ZNF804B: variants seen among roughly 807,000 people sequenced by gnomAD.
ZNF804B encodes zinc finger protein 804B.
Under a neutral mutation model 101.4 loss-of-function variants are expected in ZNF804B, and 80 were observed. The observed-to-expected ratio is 0.79, with a 90% CI of 0.66 to 0.95. ZNF804B has a LOEUF of 0.95. ZNF804B is among the 40% of genes least tolerant of loss of function. ZNF804B has a pLI of 0.00. For missense variants in ZNF804B, 1,673 were observed against 1,561.9 expected (o/e 1.07, Z -1.20); for synonymous variants, 622 against 558.8 (o/e 1.11, Z -1.59).
In ZNF804B at chr7:89,212,290, A is replaced by ACACACACACACAC. The variant is rs1491050529; in HGVS notation, c.109-5865_109-5864insCACACACACACAC. On this transcript the variant is annotated intron_variant, in intron 1 of 3. Coordinates refer to ENST00000333190, the MANE Select transcript of ZNF804B (RefSeq NM_181646.5). Reference sequence around the variant, plus strand: ...ACACACACACACACACACACACACAAACAGACTGCAGAACATCCAAACATT... The same window carrying ACACACACACACAC: ...ACACACACACACACACACACACACAACACACACACACACACAGACTGCAGAACATCCAAACATT... Among the ~76,000 whole-genome samples the ACACACACACACAC allele has an allele frequency of 1.7e-3, 167 of 97,118 alleles. 2 individuals are homozygous for ACACACACACACAC. Among genetic ancestry groups the ACACACACACACAC allele is most frequent in the African/African-American group, 4.9e-3 (150 of 30,488 alleles). The allele number at this position is 97,118 out of a possible 152,430, so 63.7% of individuals were successfully genotyped here.
intron 1 of ZNF804B, among the ~76,000 whole-genome samples, chr7:88,992,354 G>A (rs1269640003): frequency 1.3e-5 from 2 of 152,156 alleles, no homozygotes; most frequent in African/African-American, 4.8e-5. Flanking sequence ...TTTCCATGCA[G>A]GTTTAAATAA....
intron 1 of ZNF804B, among the ~76,000 whole-genome samples, chr7:88,778,678 A>AT (rs143056048): frequency 0.019 from 2,901 of 152,248 alleles, 34 homozygotes; most frequent in Non-Finnish European, 0.029. Context: ...AAATCTGCTA[A>AT]TTTTCATTCC....
At chr7:88,800,385 G>A (rs1457515767) in intron 1 of ZNF804B, among the ~76,000 whole-genome samples, 3 of 152,068 alleles carry the variant, frequency 2.0e-5, no homozygotes, top group African/African-American at 7.2e-5. Flanking sequence ...GGAGAGCGCA[G>A]GCTAGGAACA....
intron 1 of ZNF804B, among the ~76,000 whole-genome samples, chr7:88,766,476 C>G (rs1255881714): frequency 6.6e-6 from 1 of 152,092 alleles, no homozygotes; most frequent in Non-Finnish European, 1.5e-5. Context: ...TTCTGAAGAA[C>G]TGATAATATA....
chr7:89,091,713 C>T (rs1789890585), intron 1 of ZNF804B, among the ~76,000 whole-genome samples: 1 of 152,194 alleles, frequency 6.6e-6, no homozygotes, highest in Non-Finnish European at 1.5e-5. Flanking sequence ...CTCCCTCTCA[C>T]TGTAACCACC....
chr7:89,218,073 T>C, intron 1 of ZNF804B, 82 bp from the exon 2 acceptor site: 1 of 1,389,872 alleles, frequency 7.2e-7, no homozygotes, highest in East Asian at 2.3e-5. Context: ...TTCTTTAAGT[T>C]AAATACCACC....
intron 1 of ZNF804B, among the ~76,000 whole-genome samples, chr7:89,139,247 T>C (rs1042190170): frequency 1.3e-5 from 2 of 152,176 alleles, no homozygotes; most frequent in African/African-American, 2.4e-5. Flanking sequence ...AAATTGCTAA[T>C]AATTATATCA....
intron 1 of ZNF804B, chr7:88,794,048 G>A: frequency 3.0e-6 from 2 of 656,132 alleles, no homozygotes; most frequent in Middle Eastern, 4.4e-4. Flanking sequence ...ACTCTATAAA[G>A]ATTAATATAT....
rs140888030 is a variant in ZNF804B, at chr7:88,887,413, T to G, written c.108+127329T>G. On this transcript the variant is annotated intron_variant, in intron 1 of 3. Transcript: ENST00000333190. ...TGTTTTTATAGTTTGGGGTTTTACATTTAAGTCTTTAATCCATCTTGAGTT... is the reference window on the plus strand; with the variant it reads ...TGTTTTTATAGTTTGGGGTTTTACAGTTAAGTCTTTAATCCATCTTGAGTT... Among the ~76,000 whole-genome samples the G allele has an allele frequency of 5.9e-3, 892 of 152,322 alleles. 8 individuals carry two copies. The highest frequency in any genetic ancestry group is 0.02 in the African/African-American group (849 of 41,594).
chr7:89,193,528 G>A (rs934061449), intron 1 of ZNF804B, among the ~76,000 whole-genome samples: 2 of 137,494 alleles, frequency 1.5e-5, no homozygotes, highest in African/African-American at 5.6e-5. Context: ...TGTTCTCATT[G>A]TTCAATTCCC....
intron 1 of ZNF804B, among the ~76,000 whole-genome samples, chr7:89,198,182 A>G (rs1309851073): frequency 1.3e-5 from 2 of 151,928 alleles, no homozygotes; most frequent in Non-Finnish European, 2.9e-5. Flanking sequence ...TATAGGTTAA[A>G]ATGGGGATAG....
At chr7:89,197,835 A>G (rs755808602) in intron 1 of ZNF804B, among the ~76,000 whole-genome samples, 2 of 151,930 alleles carry the variant, frequency 1.3e-5, no homozygotes, top group African/African-American at 2.4e-5. Context: ...ACATTTTTGT[A>G]CACTTTAGTT....
intron 1 of ZNF804B, among the ~76,000 whole-genome samples, chr7:89,125,899 C>T (rs954837945): frequency 3.3e-5 from 5 of 152,114 alleles, no homozygotes; most frequent in Admixed American, 2.0e-4. Context: ...TAATGCATGT[C>T]GGCTACATGC....
intron 1 of ZNF804B, among the ~76,000 whole-genome samples, chr7:89,144,306 T>C (rs544236829): frequency 6.6e-6 from 1 of 152,160 alleles, no homozygotes; most frequent in African/African-American, 2.4e-5. Flanking sequence ...AAGATCTGGA[T>C]TAATATGCAT....
At chr7:88,925,719 T>G (rs903497295) in intron 1 of ZNF804B, among the ~76,000 whole-genome samples, 1 of 152,162 alleles carries the variant, frequency 6.6e-6, no homozygotes, top group Non-Finnish European at 1.5e-5. Context: ...AGCAGCCGGC[T>G]TTGTAGGAGC....
At chr7:89,230,054 A>G (rs1401682810) in intron 2 of ZNF804B, among the ~76,000 whole-genome samples, 1 of 152,168 alleles carries the variant, frequency 6.6e-6, no homozygotes, top group Non-Finnish European at 1.5e-5. Context: ...AAAAAATTAT[A>G]GTGTTGAATG....
At chr7:88,978,501 C>A (rs555950654) in intron 1 of ZNF804B, among the ~76,000 whole-genome samples, 4 of 151,824 alleles carry the variant, frequency 2.6e-5, no homozygotes, top group African/African-American at 4.8e-5. Context: ...GTCTTGAAAT[C>A]TATTTTTTTC....
intron 2 of ZNF804B, among the ~76,000 whole-genome samples, chr7:89,315,932 G>C (rs1296852091): frequency 6.6e-6 from 1 of 152,020 alleles, no homozygotes; most frequent in African/African-American, 2.4e-5. Flanking sequence ...AGGAGAACTG[G>C]CTAACTCATA....
intron 1 of ZNF804B, among the ~76,000 whole-genome samples, chr7:88,857,748 C>G (rs772126713): frequency 6.6e-6 from 1 of 151,446 alleles, no homozygotes; most frequent in Non-Finnish European, 1.5e-5. Flanking sequence ...AGGGAATCCT[C>G]CTTCATTTTA....
Sources: gnomAD v4.1 joint callset for allele counts (sites outside exome capture counted in the v4.1 genomes callset) on GRCh38, gnomAD v4.1.1 for gene constraint, MANE v1.5 for transcripts, NCBI Gene and HGNC (gene_info 2026-07-23, HGNC 2026-07-21) for gene names.